Variants in CNTNAP2 observed in about 807,000 individuals in gnomAD.
CNTNAP2 encodes contactin associated protein 2.
CNTNAP2 carries 98 observed loss-of-function variants against 155.2 expected under a neutral mutation model. The ratio of observed to expected loss-of-function variants is 0.63; its 90% CI spans 0.54 to 0.75. The LOEUF is 0.75. CNTNAP2 is among the 30% of genes least tolerant of loss of function. CNTNAP2 has a pLI of 0.00. For missense variants in CNTNAP2, 1,727 were observed against 1,688.1 expected, an observed-to-expected ratio of 1.02 and a Z score of -0.40; for synonymous variants, 651 against 631.2, an observed-to-expected ratio of 1.03 and a Z score of -0.47.
At chr7:147,216,858 A>T (rs187908061) in intron 8 of CNTNAP2, among the ~76,000 whole-genome samples, 30 of 152,160 alleles carry the variant, frequency 2.0e-4, no homozygotes, top group Admixed American at 1.6e-3. Flanking sequence ...GATTTCTTTC[A>T]TCAGAATTTT....
chr7:147,479,511 G>A (rs1326763859), intron 10 of CNTNAP2, among the ~76,000 whole-genome samples: 1 of 152,104 alleles, frequency 6.6e-6, no homozygotes, highest in Non-Finnish European at 1.5e-5. Flanking sequence ...GGTTTTGCAG[G>A]TTCTTTTCCT....
chr7:146,487,065 G>C (rs1778297571), intron 1 of CNTNAP2, among the ~76,000 whole-genome samples: 1 of 152,124 alleles, frequency 6.6e-6, no homozygotes, highest in Admixed American at 6.5e-5. Context: ...GTTTTCTTTA[G>C]AGAATGAGAT....
chr7:148,174,000 G>A (rs1298947631), intron 18 of CNTNAP2, among the ~76,000 whole-genome samples: 1 of 152,126 alleles, frequency 6.6e-6, no homozygotes, highest in African/African-American at 2.4e-5. Flanking sequence ...AGAAAGGCAG[G>A]GGCATATCCT....
At chr7:147,034,076 G>A (rs1436172832) in intron 3 of CNTNAP2, among the ~76,000 whole-genome samples, 1 of 152,068 alleles carries the variant, frequency 6.6e-6, no homozygotes, top group East Asian at 1.9e-4. Context: ...GGTAATTCAT[G>A]AATTTTCTAG....
chr7:147,496,390 A>T (rs1255313954), intron 11 of CNTNAP2, among the ~76,000 whole-genome samples: 1 of 152,176 alleles, frequency 6.6e-6, no homozygotes, highest in Non-Finnish European at 1.5e-5. Flanking sequence ...GAGAACTGGT[A>T]AGGCTGCTGA....
intron 13 of CNTNAP2, among the ~76,000 whole-genome samples, chr7:147,892,610 A>T (rs1799713770): frequency 6.6e-6 from 1 of 152,246 alleles, no homozygotes. Flanking sequence ...TCAAATTAAT[A>T]AAATCTAATT....
chr7:146,583,570 T>C (rs1239965541), intron 1 of CNTNAP2, among the ~76,000 whole-genome samples: 1 of 152,076 alleles, frequency 6.6e-6, no homozygotes, highest in Non-Finnish European at 1.5e-5. Flanking sequence ...TTAAGACAAA[T>C]GTAAGAAACT....
chr7:147,131,783 A>G (rs536400917), intron 7 of CNTNAP2, among the ~76,000 whole-genome samples: 18 of 152,242 alleles, frequency 1.2e-4, no homozygotes, highest in African/African-American at 3.4e-4. Flanking sequence ...TTGCAAACAT[A>G]TGACCATAGT....
intron 1 of CNTNAP2, among the ~76,000 whole-genome samples, chr7:146,122,728 C>T (rs928200142): frequency 1.3e-5 from 2 of 152,048 alleles, no homozygotes; most frequent in African/African-American, 4.8e-5. Context: ...CTTAGAATAC[C>T]GTTTCTTTAT....
chr7:146,160,269 C>T (rs1397392409), intron 1 of CNTNAP2, among the ~76,000 whole-genome samples: 3 of 152,062 alleles, frequency 2.0e-5, no homozygotes, highest in Admixed American at 2.0e-4. Context: ...ACCCTAACAT[C>T]ACAATTAAAA....
At chr7:146,389,434 A>G (rs1220600848) in intron 1 of CNTNAP2, among the ~76,000 whole-genome samples, 3 of 151,272 alleles carry the variant, frequency 2.0e-5, no homozygotes, top group African/African-American at 7.3e-5. Flanking sequence ...ACTTTTTCCT[A>G]CTATCTTTTC....
chr7:147,938,716 T>C (rs960073975), intron 14 of CNTNAP2, among the ~76,000 whole-genome samples: 1 of 152,180 alleles, frequency 6.6e-6, no homozygotes, highest in African/African-American at 2.4e-5. Context: ...ACATACTCCT[T>C]TGAAAAAGTA....
intron 9 of CNTNAP2, among the ~76,000 whole-genome samples, chr7:147,385,081 T>A (rs764984365): frequency 2.6e-5 from 4 of 152,028 alleles, no homozygotes; most frequent in Non-Finnish European, 5.9e-5. Flanking sequence ...GCAGGGAAAC[T>A]CCCATTTTTA....
chr7:146,829,936 A>G (rs1198498768), intron 2 of CNTNAP2, among the ~76,000 whole-genome samples: 3 of 151,958 alleles, frequency 2.0e-5, no homozygotes, highest in Admixed American at 6.6e-5. Flanking sequence ...TTTGTGGACT[A>G]CCTGTTAAAG....
intron 1 of CNTNAP2, among the ~76,000 whole-genome samples, chr7:146,752,560 C>CT (rs1319882494): frequency 6.6e-6 from 1 of 152,136 alleles, no homozygotes; most frequent in Non-Finnish European, 1.5e-5. Flanking sequence ...TTCTCCCATT[C>CT]TATAGGTTGC....
intron 22 of CNTNAP2, among the ~76,000 whole-genome samples, chr7:148,407,443 C>G (rs10216237): frequency 0.29 from 44,546 of 152,040 alleles, 6,934 homozygotes; most frequent in Non-Finnish European, 0.35. Flanking sequence ...GTGGCTCACA[C>G]CTGTAATCCC....
chr7:147,030,282 TG>T lies in CNTNAP2; in HGVS notation c.403-13624del, dbSNP rs1383374687. Among the ~76,000 whole-genome samples the T allele has an allele frequency of 2.6e-5, 4 of 152,230 alleles. No individual in the cohort carries two copies. In the South Asian group the frequency reaches 8.3e-4, roughly 31 times the overall value. ...ATTTTCTTGAACACTTCATTCTTTA[TG>T]TAGCATAGTTTCTTTTATGTGAGGA... On this transcript the variant is annotated intron_variant, in intron 3 of 23. Transcript: ENST00000361727.
At chr7:146,958,570 C>A (rs1348138803) in intron 3 of CNTNAP2, among the ~76,000 whole-genome samples, 3 of 151,734 alleles carry the variant, frequency 2.0e-5, no homozygotes, top group Non-Finnish European at 2.9e-5. Flanking sequence ...CCCGCCACAA[C>A]GCCCGGCTAA....
At chr7:146,382,838 GC>G (rs1414166550) in intron 1 of CNTNAP2, among the ~76,000 whole-genome samples, 5 of 152,046 alleles carry the variant, frequency 3.3e-5, no homozygotes, top group African/African-American at 1.2e-4. Context: ...GTATTCTATA[GC>G]CAAATGAAAT....
Sources: allele counts gnomAD v4.1 joint callset (sites outside exome capture counted in the v4.1 genomes callset), GRCh38; gene constraint gnomAD v4.1.1; transcripts MANE v1.5; gene names NCBI Gene and HGNC (gene_info 2026-07-23, HGNC 2026-07-21).